ITFG1: variants seen among roughly 807,000 people sequenced by gnomAD.
ITFG1 encodes the protein T-cell immunomodulatory protein.
Under a neutral mutation model 81.8 loss-of-function variants are expected in ITFG1, and 34 were observed. The ratio of observed to expected loss-of-function variants is 0.42; its 90% CI spans 0.32 to 0.55. The LOEUF is 0.55. Among genes scored for constraint, ITFG1 ranks in the 20% least tolerant of loss-of-function variants. ITFG1 has a pLI of 0.17. For missense variants in ITFG1, 672 were observed against 755.4 expected (o/e 0.89, Z 1.29); for synonymous variants, 285 against 270.6 (o/e 1.05, Z -0.52).
At chr16:47,428,750 A>G in intron 6 of ITFG1, 54 bp downstream of exon 6, 1 of 1,051,288 alleles carries the variant, frequency 9.5e-7, no homozygotes, top group Non-Finnish European at 1.5e-6. Flanking sequence ...CAGTAAATAA[A>G]ATCCCATACT....
chr16:47,306,463 C>T (rs895357466), intron 10 of ITFG1, among the ~76,000 whole-genome samples: 3 of 151,798 alleles, frequency 2.0e-5, no homozygotes, highest in African/African-American at 7.3e-5. Context: ...TTATGTGAAC[C>T]CTTTAAGATA....
chr16:47,197,333 C>T (rs139425000), intron 14 of ITFG1, among the ~76,000 whole-genome samples: 85 of 152,288 alleles, frequency 5.6e-4, no homozygotes, highest in African/African-American at 1.9e-3. Context: ...TCCCCCTTCT[C>T]TTAACTCAAG....
intron 2 of ITFG1, among the ~76,000 whole-genome samples, chr16:47,457,753 T>G (rs1435484558): frequency 6.6e-6 from 1 of 152,172 alleles, no homozygotes; most frequent in Non-Finnish European, 1.5e-5. Flanking sequence ...TCAGAACACA[T>G]GCCATTTACA....
chr16:47,379,680 T>C (rs1037435199), intron 6 of ITFG1, among the ~76,000 whole-genome samples: 1 of 150,160 alleles, frequency 6.7e-6, no homozygotes, highest in South Asian at 2.1e-4. Context: ...GGCGAGATTA[T>C]TCCATCTCAA....
At chr16:47,165,877 AAC>A (rs143028641) in intron 14 of ITFG1, among the ~76,000 whole-genome samples, 1,773 of 152,238 alleles carry the variant, frequency 0.012, 16 homozygotes, top group South Asian at 0.018. Context: ...CCCAAAATTA[AAC>A]ACAAGCTGAT....
At chr16:47,191,042 T>C (rs1285923688) in intron 14 of ITFG1, among the ~76,000 whole-genome samples, 2 of 152,166 alleles carry the variant, frequency 1.3e-5, no homozygotes, top group East Asian at 3.9e-4. Flanking sequence ...TCATGTTCGC[T>C]GATGTCTCCT....
At chr16:47,392,679 G>C (rs1333094248) in intron 6 of ITFG1, among the ~76,000 whole-genome samples, 1 of 152,168 alleles carries the variant, frequency 6.6e-6, no homozygotes, top group African/African-American at 2.4e-5. Flanking sequence ...TTTATAGTAA[G>C]TTGATTTCAC....
chr16:47,344,785 A>G (rs1026568783), intron 8 of ITFG1, among the ~76,000 whole-genome samples: 2 of 152,228 alleles, frequency 1.3e-5, no homozygotes, highest in Non-Finnish European at 2.9e-5. Context: ...AATTGTTTTC[A>G]GTTTTAGATC....
At chr16:47,413,973 C>T (rs1187764393) in intron 6 of ITFG1, among the ~76,000 whole-genome samples, 1 of 151,594 alleles carries the variant, frequency 6.6e-6, no homozygotes, top group Non-Finnish European at 1.5e-5. Flanking sequence ...GGCGCCTGCC[C>T]CCATGCCCGG....
At chr16:47,349,602 A>G (rs1250179955) in intron 8 of ITFG1, among the ~76,000 whole-genome samples, 1 of 152,154 alleles carries the variant, frequency 6.6e-6, no homozygotes, top group Non-Finnish European at 1.5e-5. Flanking sequence ...CTCCCACACA[A>G]TAATAATGGG....
rs367889516 is a variant in ITFG1 at position 47,353,159 on chromosome 16, T to C, written c.802+12629A>G. Among the ~76,000 whole-genome samples the C allele has an allele frequency of 5.9e-5, 9 of 152,084 alleles. No homozygotes were observed. The East Asian group carries it at 1.7e-3, about 29-fold the overall frequency. On this transcript the variant is annotated intron_variant, in intron 8 of 17. Transcript: ENST00000320640. The stretch of plus-strand genomic sequence containing the variant: ...CACCAAGATGGCACATGTAGACATA[T>C]GTAACAAACCTGCACATTGTGCACA...
intron 6 of ITFG1, among the ~76,000 whole-genome samples, chr16:47,385,164 T>G (rs1165912308): frequency 2.6e-5 from 4 of 152,206 alleles, no homozygotes; most frequent in Non-Finnish European, 5.9e-5. Flanking sequence ...ACACGTGACA[T>G]TGTGTTTATA....
chr16:47,223,311 G>C (rs890829095), intron 13 of ITFG1, among the ~76,000 whole-genome samples: 7 of 152,084 alleles, frequency 4.6e-5, no homozygotes, highest in African/African-American at 1.7e-4. Flanking sequence ...CTACAAAATG[G>C]GAGTAAATCT....
intron 10 of ITFG1, among the ~76,000 whole-genome samples, chr16:47,310,950 C>T (rs1327020975): frequency 6.6e-6 from 1 of 151,500 alleles, no homozygotes; most frequent in Non-Finnish European, 1.5e-5. Flanking sequence ...TTGCCTATAA[C>T]AACTTTTGAA....
rs187405911 is a variant in ITFG1, at chr16:47,222,692, C to T, written c.1375-3746G>A. On this transcript the variant is annotated intron_variant, in intron 13 of 17. Transcript: ENST00000320640. Reference sequence around the variant, plus strand: ...CCTCCCAAAGTGCTGGGATTACAGGCGTGAGCCACTCTGCCCAGCCTTGAG... The same window carrying T: ...CCTCCCAAAGTGCTGGGATTACAGGTGTGAGCCACTCTGCCCAGCCTTGAG... Among the ~76,000 whole-genome samples, 94 of 152,292 alleles carry T rather than the reference C, an allele frequency of 6.2e-4. 2 individuals carry two copies. In the East Asian group the frequency reaches 0.015, roughly 24 times the overall value.
chr16:47,428,866 G>A lies in ITFG1; in HGVS notation c.593C>T (p.Thr198Ile). The A allele has an allele frequency of 6.2e-7, 1 of 1,608,610 alleles. No individual in the cohort carries two copies. The highest frequency in any genetic ancestry group is 2.2e-5 in the East Asian group (1 of 44,704). The change falls in exon 6 of 18, where the codon ACA (threonine) becomes ATA (isoleucine). Residue 198 changes from threonine (T) to isoleucine (I), a missense_variant. This residue lies in a region of ITFG1 where 560 missense variants were observed against 625.7 expected (regional missense o/e 0.90). Transcript: ENST00000320640. ...NLSWHPALTT[T>I]SKMRIPHSHA... ...AGAATGTGGAATTCGCATTTTACTT[G>A]TAGTGGTCAATGCTGGATGCCATGA...
intron 5 of ITFG1, chr16:47,448,392 T>C (rs550913179): frequency 1.2e-4 from 18 of 152,282 alleles, no homozygotes; most frequent in African/African-American, 3.4e-4. Context: ...ACAGTTTTTT[T>C]GATAATGGAG....
chr16:47,385,732 T>G (rs1275920297), intron 6 of ITFG1, among the ~76,000 whole-genome samples: 2 of 152,240 alleles, frequency 1.3e-5, no homozygotes, highest in African/African-American at 4.8e-5. Context: ...TTATAGGTCA[T>G]GCTGAGTGCT....
At chr16:47,293,553 G>A (rs1457067336) in intron 10 of ITFG1, among the ~76,000 whole-genome samples, 4 of 152,034 alleles carry the variant, frequency 2.6e-5, no homozygotes, top group Middle Eastern at 3.2e-3. Context: ...ATTCTGATTG[G>A]TGTAGGATGA....
Sources: allele counts gnomAD v4.1 joint callset (sites outside exome capture counted in the v4.1 genomes callset), GRCh38; gene constraint gnomAD v4.1.1; regional missense constraint gnomAD v4.1.1; transcripts MANE v1.5; gene names NCBI Gene and HGNC (gene_info 2026-07-23, HGNC 2026-07-21).